HYDIN: variants seen among roughly 807,000 people sequenced by gnomAD.
HYDIN encodes HYDIN axonemal central pair apparatus protein.
HYDIN carries 132 observed loss-of-function variants against 403.9 expected under a neutral mutation model. That is an observed-to-expected ratio of 0.33 (90% CI 0.28 to 0.38). The LOEUF is 0.38. Among genes scored for constraint, HYDIN ranks in the 10% least tolerant of loss-of-function variants. The pLI is 1.00. For synonymous variants in HYDIN, 1,202 were observed against 1,891.7 expected, an observed-to-expected ratio of 0.64 and a Z score of 9.46; for missense variants, 2,827 against 5,009.5, an observed-to-expected ratio of 0.56 and a Z score of 13.15.
At chr16:70,871,870 A>G (rs564124887) in intron 65 of HYDIN, among the ~76,000 whole-genome samples, 167 bp downstream of exon 65, 2 of 139,530 alleles carry the variant, frequency 1.4e-5, no homozygotes, top group South Asian at 4.9e-4. Context: ...AGAGACATGA[A>G]CAGTGTTCTT....
rs1472202668 is a variant in HYDIN, at chr16:70,906,223, C to G, written c.8516+1149G>C. On this transcript the variant is annotated intron_variant, in intron 50 of 85. Transcript: ENST00000393567. ...TGGGTCCCCAATTCTGCCTAAAAAT[C>G]TCAGTCTGTTTCTCTAACATGCTCC... Among the ~76,000 whole-genome samples the G allele has an allele frequency of 5.9e-5, 9 of 152,262 alleles. No individual in the cohort carries two copies. In the South Asian group the frequency reaches 1.2e-3, roughly 21 times the overall value.
chr16:70,963,310 A>C (rs571891207), intron 37 of HYDIN, among the ~76,000 whole-genome samples: 22 of 149,128 alleles, frequency 1.5e-4, no homozygotes, highest in Non-Finnish European at 3.0e-4. Flanking sequence ...TCCTTTCCCA[A>C]TTCATATGTG....
chr16:71,120,939 A>G (rs1401523250), intron 9 of HYDIN, among the ~76,000 whole-genome samples: 1 of 152,064 alleles, frequency 6.6e-6, no homozygotes, highest in African/African-American at 2.4e-5. Context: ...TTCCAATCAT[A>G]CTCTCTAATC....
chr16:71,092,885 G>A lies in HYDIN; in HGVS notation c.1446+932C>T, dbSNP rs940057055. 2.0e-4 allele frequency among the ~76,000 whole-genome samples: 29 copies of A among 143,138 alleles called. 1 individual carries two copies. Among genetic ancestry groups the A allele is most frequent in the Non-Finnish European group, 3.9e-4 (26 of 66,838 alleles). 93.9% of individuals were successfully genotyped at this position (143,138 alleles called of 152,430 possible). A position where few individuals can be genotyped will look rare whatever the true frequency, so the allele number is the denominator to read the frequency against. ...GGGTTTTTGTGAGGACTAAATGAAC[G>A]AGTGAAGGTCAAAGCACTAGCACTG... is the stretch of plus-strand genomic sequence containing the variant. On this transcript the variant is annotated intron_variant, in intron 11 of 85. Transcript: ENST00000393567.
chr16:71,206,315 A>G (rs567758662), intron 1 of HYDIN, among the ~76,000 whole-genome samples: 1 of 152,350 alleles, frequency 6.6e-6, no homozygotes, highest in South Asian at 2.1e-4. Flanking sequence ...AGACAGTAAT[A>G]GGAGGAGGCT....
At position 70,810,065 on chromosome 16, in the gene HYDIN, C is replaced by G. The variant is rs939255627; in HGVS notation, c.14659-58G>C. On this transcript the variant is annotated intron_variant, in intron 84 of 85. Transcript: ENST00000393567. ...GAAAGGCTAATTCATCACCTGCCACCTAGAGACCTGCCCAAGGCTCCATAG... is the reference window on the plus strand; with the variant it reads ...GAAAGGCTAATTCATCACCTGCCACGTAGAGACCTGCCCAAGGCTCCATAG... The G allele has an allele frequency of 3.3e-5, 50 of 1,492,940 alleles. No homozygotes were observed. In the East Asian group the frequency reaches 7.7e-4, roughly 23 times the overall value. 92.5% of individuals were successfully genotyped at this position (1,492,940 alleles called of 1,614,324 possible).
intron 36 of HYDIN, among the ~76,000 whole-genome samples, chr16:70,966,154 C>T (rs958237343): frequency 2.6e-5 from 4 of 152,060 alleles, no homozygotes; most frequent in African/African-American, 9.7e-5. Context: ...GCCATCTCAT[C>T]ACAGTTCATC....
chr16:71,189,297 T>A (rs2087302649), intron 1 of HYDIN, among the ~76,000 whole-genome samples: 4 of 152,176 alleles, frequency 2.6e-5, no homozygotes, highest in African/African-American at 2.4e-5. Flanking sequence ...TGAATGTACC[T>A]CACTATACAG....
intron 19 of HYDIN, among the ~76,000 whole-genome samples, chr16:71,029,070 A>C (rs1352932024): frequency 2.6e-5 from 4 of 152,016 alleles, no homozygotes; most frequent in Admixed American, 6.6e-5. Flanking sequence ...GAGTTGTCTA[A>C]AAATATGCAA....
At chr16:71,162,455 G>C in intron 6 of HYDIN, 76 bp downstream of exon 6, 1 of 709,358 alleles carries the variant, frequency 1.4e-6, no homozygotes, top group Non-Finnish European at 2.5e-6. Context: ...ACCCCCCAAT[G>C]TTATGGTAGC....
intron 1 of HYDIN, among the ~76,000 whole-genome samples, chr16:71,199,629 G>A (rs1256202829): frequency 6.6e-6 from 1 of 152,086 alleles, no homozygotes; most frequent in Non-Finnish European, 1.5e-5. Flanking sequence ...TTTATAATCT[G>A]TCCAGCCTTT....
intron 35 of HYDIN, among the ~76,000 whole-genome samples, chr16:70,972,931 G>T (rs971099960): frequency 6.6e-6 from 1 of 152,178 alleles, no homozygotes. Context: ...GTTTTAGTGC[G>T]AAGCTTATGA....
chr16:70,948,771 C>G (rs2077965144), intron 41 of HYDIN, among the ~76,000 whole-genome samples: 1 of 151,752 alleles, frequency 6.6e-6, no homozygotes, highest in Admixed American at 6.6e-5. Context: ...TCATCTCACA[C>G]CAGTTAGAAT....
chr16:71,129,892 C>T, intron 8 of HYDIN, 69 bp from the exon 9 acceptor site: 1 of 1,547,458 alleles, frequency 6.5e-7, no homozygotes, highest in Non-Finnish European at 8.8e-7. Context: ...GGGCTTCCCT[C>T]TAGTACCTCC....
chr16:70,971,294 T>C (rs952637374), intron 35 of HYDIN, among the ~76,000 whole-genome samples: 1 of 152,288 alleles, frequency 6.6e-6, no homozygotes, highest in African/African-American at 2.4e-5. Flanking sequence ...TTGTGTATTT[T>C]CCCAGAGTTT....
chr16:71,165,598 G>C (rs1387274021), intron 5 of HYDIN, among the ~76,000 whole-genome samples: 1 of 151,768 alleles, frequency 6.6e-6, no homozygotes. Context: ...CTAGAACAGA[G>C]CCTAGTATCT....
chr16:71,214,065 G>C (rs2088739441), intron 1 of HYDIN, among the ~76,000 whole-genome samples: 1 of 151,896 alleles, frequency 6.6e-6, no homozygotes, highest in Non-Finnish European at 1.5e-5. Context: ...GAATCAATAG[G>C]TTTAGCAATA....
At chr16:70,892,683 C>T (rs375942019) in intron 55 of HYDIN, among the ~76,000 whole-genome samples, 154 bp from the exon 56 acceptor site, 19 of 151,570 alleles carry the variant, frequency 1.3e-4, no homozygotes, top group African/African-American at 4.3e-4. Flanking sequence ...ACATCGTGAT[C>T]GCCTCTCCTT....
chr16:70,838,599 G>A (rs1365309566), intron 76 of HYDIN, among the ~76,000 whole-genome samples: 4 of 152,096 alleles, frequency 2.6e-5, no homozygotes, highest in Non-Finnish European at 4.4e-5. Flanking sequence ...CAGTAGGGAG[G>A]AGTATATGTT....
Sources: gnomAD v4.1 joint callset for allele counts (sites outside exome capture counted in the v4.1 genomes callset) on GRCh38, gnomAD v4.1.1 for gene constraint, MANE v1.5 for transcripts, NCBI Gene and HGNC (gene_info 2026-07-23, HGNC 2026-07-21) for gene names.